The following ADGRG4 variants were observed in gnomAD, a reference collection of about 807,000 sequenced individuals.
ADGRG4 encodes adhesion G protein-coupled receptor G4.
In ADGRG4, 122 loss-of-function variants were observed where a neutral mutation model predicts 126.2. The observed-to-expected ratio is 0.97, with a 90% CI of 0.83 to 1.12. The LOEUF is 1.12. Among genes scored for constraint, ADGRG4 ranks in the 50% most tolerant of loss-of-function variants. The pLI is 0.00. For missense variants in ADGRG4, 2,481 were observed against 2,251.8 expected (o/e 1.10, Z -2.06); for synonymous variants, 943 against 838.7 (o/e 1.12, Z -2.15).
At position 136,349,800 on chromosome X, in the gene ADGRG4, T is replaced by A. The variant is rs763486742; in HGVS notation, c.6094T>A (p.Ser2032Thr). 4.1e-6 allele frequency: 5 copies of A among 1,208,180 alleles called. No individual in the cohort carries two copies. The highest frequency in any genetic ancestry group is 2.2e-5 in the Admixed American group (1 of 45,542). ...TVSNAPHVMT[S>T]STVEVSKSTF... ...ATCTAATGCCCCTCATGTTATGACT[T>A]CCTCTACAGTAGAGGTGTCAAAATC... The change falls in exon 6 of 26, where the codon TCC becomes ACC. Residue 2032 changes from serine to threonine, a missense_variant. Transcript: ENST00000394143.
intron 4 of ADGRG4, among the ~76,000 whole-genome samples, chrX:136,312,268 T>G (rs1182230501): frequency 1.8e-5 from 2 of 112,318 alleles, no homozygotes; most frequent in African/African-American, 6.5e-5. Context: ...ACAGAAGGTT[T>G]TATTAGACAG....
At chrX:136,310,829 T>TA (rs978851835) in intron 4 of ADGRG4, among the ~76,000 whole-genome samples, 2 of 111,066 alleles carry the variant, frequency 1.8e-5, no homozygotes, top group Non-Finnish European at 3.8e-5. Flanking sequence ...GAGCAGGAGG[T>TA]AAAAAATAAG....
intron 3 of ADGRG4, among the ~76,000 whole-genome samples, chrX:136,306,426 T>C (rs2074733697): frequency 9.0e-6 from 1 of 111,523 alleles, no homozygotes; most frequent in Non-Finnish European, 1.9e-5. Context: ...ATGAAAGTAA[T>C]GTATGCTCAT....
chrX:136,349,938 G>C lies in ADGRG4; in HGVS notation c.6232G>C (p.Gly2078Arg). 1 of 1,210,310 alleles carries C rather than the reference G, an allele frequency of 8.3e-7. No homozygotes were observed. Among genetic ancestry groups the C allele is most frequent in the Non-Finnish European group, 1.1e-6 (1 of 894,632 alleles). The change falls in exon 6 of 26, where the codon GGT becomes CGT. Residue 2078 changes from glycine to arginine, a missense_variant. Transcript: ENST00000394143. ...LTRTIPTPTL[G>R]GITTGFPTSL... Reference sequence around the variant, plus strand: ...CCGAACCATTCCTACACCTACACTGGGTGGTATCACTACTGGCTTCCCAAC... The same window carrying C: ...CCGAACCATTCCTACACCTACACTGCGTGGTATCACTACTGGCTTCCCAAC...
intron 4 of ADGRG4, 138 bp from the exon 5 acceptor site, chrX:136,322,640 A>G: frequency 2.1e-6 from 1 of 465,324 alleles, no homozygotes; most frequent in Non-Finnish European, 3.5e-6. Flanking sequence ...TACATCTACT[A>G]TTTTTGTTTA....
At chrX:136,408,955 C>T (rs1460241260) in intron 23 of ADGRG4, among the ~76,000 whole-genome samples, 1 of 110,148 alleles carries the variant, frequency 9.1e-6, no homozygotes, top group Non-Finnish European at 1.9e-5. Flanking sequence ...CCATCAAGCA[C>T]AAAGTCTTGC....
intron 5 of ADGRG4, among the ~76,000 whole-genome samples, chrX:136,327,051 T>G (rs2074877601): frequency 9.0e-6 from 1 of 111,415 alleles, no homozygotes; most frequent in Non-Finnish European, 1.9e-5. Context: ...TTCTAGTCAT[T>G]AGAAATTTAG....
intron 5 of ADGRG4, among the ~76,000 whole-genome samples, chrX:136,324,966 CA>C (rs2074863394): frequency 8.9e-6 from 1 of 111,949 alleles, no homozygotes; most frequent in Non-Finnish European, 1.9e-5. Flanking sequence ...CTTGGAATTA[CA>C]CCTGTATTTG....
At position 136,346,643 on chromosome X, in the gene ADGRG4, C is replaced by T; in HGVS notation, c.2937C>T (p.Ser979=). 1 of 1,210,377 alleles carries T rather than the reference C, an allele frequency of 8.3e-7. No homozygotes were observed. Among genetic ancestry groups the T allele is most frequent in the Non-Finnish European group, 1.1e-6 (1 of 894,330 alleles). ...STTRISETSF[S]TTPTDRTATS... ...CAAGGATATCAGAAACCAGTTTCTC[C>T]ACTACCCCTACAGACAGGACAGCTA... The change falls in exon 6 of 26, where the codon TCC becomes TCT. Residue 979 remains serine (S), a synonymous_variant. Transcript: ENST00000394143.
chrX:136,411,509 T>C lies in ADGRG4; in HGVS notation c.8936-756T>C, dbSNP rs771422583. Among the ~76,000 whole-genome samples, 4 of 113,087 alleles carry C rather than the reference T, an allele frequency of 3.5e-5. No homozygotes were observed. The East Asian group carries it at 1.1e-3, about 31-fold the overall frequency. On this transcript the variant is annotated intron_variant, in intron 23 of 25. Transcript: ENST00000394143. ...GAAGTTGAGGGTCAAATCCATGGTTTCCACATGGTGTCATTATGCCAAAAA... is the reference window on the plus strand; with the variant it reads ...GAAGTTGAGGGTCAAATCCATGGTTCCCACATGGTGTCATTATGCCAAAAA...
intron 4 of ADGRG4, among the ~76,000 whole-genome samples, chrX:136,322,221 C>T (rs777631679): frequency 5.4e-5 from 6 of 111,596 alleles, no homozygotes; most frequent in South Asian, 3.8e-4. Context: ...GTTTCAGTAT[C>T]GCCCAGCTGG....
intron 15 of ADGRG4, among the ~76,000 whole-genome samples, chrX:136,381,812 T>C (rs2075265591): frequency 9.0e-6 from 1 of 111,224 alleles, no homozygotes; most frequent in Admixed American, 9.6e-5. Flanking sequence ...AGTCCGAGTC[T>C]CAAAATTGAA....
Position 136,349,677 on chromosome X carries a change from A to G in ADGRG4, c.5971A>G (p.Ile1991Val). ...SVTPGTTLPSILSGATSGSVI... is the reference protein window; with the variant it reads ...SVTPGTTLPSVLSGATSGSVI... The stretch of plus-strand genomic sequence containing the variant: ...AACTCCTGGGACCACACTCCCATCA[A>G]TTCTTTCTGGTGCCACTTCAGGATC... Residue 1991 changes from isoleucine (I) to valine (V), a missense_variant, in exon 6 of 26, where the codon ATT (isoleucine) becomes GTT (valine). Physicochemically the swap from Ile to Val is conservative, Grantham distance 29. Transcript: ENST00000394143. 2 of 1,210,560 alleles carry G rather than the reference A, an allele frequency of 1.7e-6. No individual in the cohort carries two copies. Among genetic ancestry groups the G allele is most frequent in the Non-Finnish European group, 2.2e-6 (2 of 894,985 alleles).
chrX:136,326,179 A>C (rs1310899617), intron 5 of ADGRG4, among the ~76,000 whole-genome samples: 2 of 112,442 alleles, frequency 1.8e-5, no homozygotes, highest in Non-Finnish European at 3.8e-5. Context: ...TTCTTTCCAA[A>C]CCTTGGACCA....
Position 136,399,970 on chromosome X carries a change from T to C in ADGRG4, c.8429T>C (p.Ile2810Thr), listed in dbSNP as rs201277018. 6.6e-6 allele frequency: 8 copies of C among 1,209,986 alleles called. No individual in the cohort carries two copies. In the East Asian group the frequency reaches 2.1e-4, roughly 31 times the overall value. ...TCATTTCAGAAAGTGGGAGTTTGTA[T>C]CACAGCTGCAGTGGCACTTCATTAC... is the stretch of plus-strand genomic sequence containing the variant. ...LSSFQKVGVC[I>T]TAAVALHYFL... Residue 2810 changes from isoleucine (I) to threonine (T), a missense_variant, in exon 21 of 26, where the codon ATC (isoleucine) becomes ACC (threonine). Coordinates refer to ENST00000394143, the MANE Select transcript of ADGRG4 (RefSeq NM_153834.4).
intron 4 of ADGRG4, among the ~76,000 whole-genome samples, chrX:136,311,806 G>T (rs907242512): frequency 5.4e-5 from 6 of 110,732 alleles, no homozygotes; most frequent in Non-Finnish European, 7.6e-5. Flanking sequence ...TCTGAAAGGT[G>T]TTTGTGTAGC....
At chrX:136,413,357 C>T (rs893696276) in intron 24 of ADGRG4, among the ~76,000 whole-genome samples, 20 of 108,096 alleles carry the variant, frequency 1.9e-4, no homozygotes, top group Admixed American at 1.0e-3. Context: ...TTTGTTCTTG[C>T]GATAGTTTAC....
chrX:136,315,387 C>A (rs2074798810), intron 4 of ADGRG4, among the ~76,000 whole-genome samples: 2 of 111,102 alleles, frequency 1.8e-5, no homozygotes, highest in South Asian at 7.7e-4. Flanking sequence ...AGAAGACTCC[C>A]TCCTCAAGTG....
At chrX:136,413,722 TTTTTTGTTTTTG>T (rs1325372843) in intron 24 of ADGRG4, among the ~76,000 whole-genome samples, 1 of 102,164 alleles carries the variant, frequency 9.8e-6, no homozygotes. Flanking sequence ...CAAGCTTTGT[TTTTTTGTTTTTG>T]TTTTTGTTTT....
Sources: allele counts gnomAD v4.1 joint callset (sites outside exome capture counted in the v4.1 genomes callset), GRCh38; gene constraint gnomAD v4.1.1; transcripts MANE v1.5; gene names NCBI Gene and HGNC (gene_info 2026-07-23, HGNC 2026-07-21).